Variants in DNAJC6 observed in about 807,000 individuals in gnomAD.
DNAJC6 encodes DnaJ heat shock protein family (Hsp40) member C6.
DNAJC6 carries 34 observed loss-of-function variants against 110.0 expected under a neutral mutation model. The observed-to-expected ratio is 0.31, with a 90% CI of 0.24 to 0.41. DNAJC6 has a LOEUF of 0.41. Among genes scored for constraint, DNAJC6 ranks in the 10% least tolerant of loss-of-function variants. The pLI is 1.00. For missense variants in DNAJC6, 1,031 were observed against 1,207.8 expected, an observed-to-expected ratio of 0.85 and a Z score of 2.17; for synonymous variants, 406 against 437.2, an observed-to-expected ratio of 0.93 and a Z score of 0.89.
At chr1:65,365,379 A>G (rs532315714) in intron 2 of DNAJC6, among the ~76,000 whole-genome samples, 2 of 152,308 alleles carry the variant, frequency 1.3e-5, no homozygotes, top group East Asian at 1.9e-4. Context: ...TACAATATGC[A>G]GTTCTTAATC....
At position 65,364,615 on chromosome 1, in the gene DNAJC6, T is replaced by TTTTTTTG; in HGVS notation, c.194-14_194-13insGTTTTTT. ...TGCCATCACCATTTTTGTTTGTTTGTTTTTTTTTTTTTTTGGCAGGTGCCT... is the reference window on the plus strand; with the variant it reads ...TGCCATCACCATTTTTGTTTGTTTGTTTTTTTGTTTTTTTTTTTTTTGGCAGGTGCCT... On this transcript the variant is annotated intron_variant, in intron 1 of 18. Transcript: ENST00000371069. 1.2e-6 allele frequency: 1 copy of TTTTTTTG among 830,536 alleles called. No homozygotes were observed. The allele number at this position is 830,536 out of a possible 1,614,324, so 51.4% of individuals were successfully genotyped here.
In DNAJC6 at chr1:65,388,428, TG is replaced by T; in HGVS notation, c.1193+16del. The T allele has an allele frequency of 6.2e-7, 1 of 1,611,790 alleles. No individual in the cohort carries two copies. On this transcript the variant is annotated intron_variant, in intron 9 of 18. Coordinates refer to ENST00000371069, the MANE Select transcript of DNAJC6 (RefSeq NM_001256864.2). ...TAAAGTTCACCAAGTAAGTACTGGTTGGGCCAAAAGTCTATTTGAATCAAAT... is the reference window on the plus strand; with the variant it reads ...TAAAGTTCACCAAGTAAGTACTGGTTGGCCAAAAGTCTATTTGAATCAAAT...
At chr1:65,380,840 G>A (rs1645810067) in intron 5 of DNAJC6, among the ~76,000 whole-genome samples, 1 of 151,324 alleles carries the variant, frequency 6.6e-6, no homozygotes, top group African/African-American at 2.4e-5. Context: ...TGCATATGTT[G>A]GAAATGAATA....
At chr1:65,396,051 A>G (rs181028067) in intron 13 of DNAJC6, among the ~76,000 whole-genome samples, 14 of 152,362 alleles carry the variant, frequency 9.2e-5, no homozygotes, top group Admixed American at 5.2e-4. Context: ...ATGCCAATGC[A>G]AAAGGAAGAT....
chr1:65,283,138 TAAG>T (rs1200846403), intron 1 of DNAJC6, among the ~76,000 whole-genome samples: 2 of 152,196 alleles, frequency 1.3e-5, no homozygotes, highest in Non-Finnish European at 2.9e-5. Flanking sequence ...CCATAGAACT[TAAG>T]GTTTCACCAG....
At chr1:65,340,739 T>C (rs932711476) in intron 1 of DNAJC6, among the ~76,000 whole-genome samples, 6 of 152,144 alleles carry the variant, frequency 3.9e-5, no homozygotes, top group African/African-American at 1.4e-4. Context: ...CTTCTCTGCC[T>C]CTCTCCCCGA....
In DNAJC6 at chr1:65,296,398, GA is replaced by G. The variant is rs1644928664; in HGVS notation, c.-131+31468del. Among the ~76,000 whole-genome samples the G allele has an allele frequency of 2.0e-5, 3 of 152,266 alleles. No individual in the cohort carries two copies. The South Asian group carries it at 6.2e-4, about 32-fold the overall frequency. ...TGAATTCATATTAAGCAGTGTGATGGAATGCTGAGAACTCTGACCCGGACTG... is the reference window on the plus strand; with the variant it reads ...TGAATTCATATTAAGCAGTGTGATGGATGCTGAGAACTCTGACCCGGACTG... On this transcript the variant is annotated intron_variant, in intron 1 of 19. Transcript: ENST00000263441.
At chr1:65,307,071 A>G (rs541436636), upstream of DNAJC6, among the ~76,000 whole-genome samples, 176 of 139,222 alleles carry the variant, frequency 1.3e-3, 1 homozygote, top group African/African-American at 4.5e-3. Flanking sequence ...CTTCTATATA[A>G]TGATGGTACT....
chr1:65,377,734 C>T (rs1315054404), intron 4 of DNAJC6, among the ~76,000 whole-genome samples: 3 of 152,132 alleles, frequency 2.0e-5, no homozygotes, highest in Admixed American at 2.0e-4. Context: ...ACCAAGAGCA[C>T]AGATAATTTC....
chr1:65,412,913 T>C lies in DNAJC6; in HGVS notation c.2812-11T>C. On this transcript the variant is annotated splice_polypyrimidine_tract_variant and intron_variant, in intron 18 of 18. Coordinates refer to ENST00000371069, the MANE Select transcript of DNAJC6 (RefSeq NM_001256864.2). ...TGTGGTATCTAATGTGTGTTTTTGT[T>C]TTCTCTACAGGCTACTGGGCAACCC... The C allele has an allele frequency of 4.4e-6, 7 of 1,608,024 alleles. No individual in the cohort carries two copies. The highest frequency in any genetic ancestry group is 5.9e-6 in the Non-Finnish European group (7 of 1,178,436).
At chr1:65,385,169 A>G (rs1645859288) in intron 6 of DNAJC6, among the ~76,000 whole-genome samples, 1 of 152,244 alleles carries the variant, frequency 6.6e-6, no homozygotes, top group Non-Finnish European at 1.5e-5. Context: ...AAAAATACAT[A>G]GAGAATAAAG....
rs142549507 is a variant in DNAJC6 at position 65,396,251 on chromosome 1, A to G, written c.2038+1219A>G. ...AGAGTCTCCTGATTGGATGTTGACT[A>G]CCTGTAGGAGAAAAGATGCAGGAAT... On this transcript the variant is annotated intron_variant, in intron 13 of 18. Transcript: ENST00000371069. Among the ~76,000 whole-genome samples, 833 of 152,256 alleles carry G rather than the reference A, an allele frequency of 5.5e-3. 5 individuals are homozygous for G. Among genetic ancestry groups the G allele is most frequent in the African/African-American group, 0.019 (802 of 41,540 alleles).
At chr1:65,375,164 A>G (rs1645749171) in intron 4 of DNAJC6, among the ~76,000 whole-genome samples, 1 of 152,110 alleles carries the variant, frequency 6.6e-6, no homozygotes, top group African/African-American at 2.4e-5. Context: ...GGGTTTCACC[A>G]TGTTGGCCAT....
intron 13 of DNAJC6, 33 bp from the exon 14 acceptor site, chr1:65,398,780 T>G (rs1444000862): frequency 1.2e-6 from 2 of 1,612,680 alleles, no homozygotes; most frequent in Non-Finnish European, 1.7e-6. Context: ...TGAGCTCTCT[T>G]GTTCTCATTC....
chr1:65,383,020 T>C (rs756491571), intron 5 of DNAJC6, among the ~76,000 whole-genome samples: 26 of 152,216 alleles, frequency 1.7e-4, no homozygotes, highest in Non-Finnish European at 3.8e-4. Context: ...TTATTTTTTG[T>C]TCTCACAAAA....
intron 16 of DNAJC6, among the ~76,000 whole-genome samples, chr1:65,407,756 G>C (rs773103330): frequency 6.6e-6 from 1 of 152,150 alleles, no homozygotes; most frequent in Non-Finnish European, 1.5e-5. Flanking sequence ...CAGGGAACAA[G>C]AAACAAAATC....
chr1:65,384,275 G>T lies in DNAJC6; in HGVS notation c.749G>T (p.Arg250Leu). The T allele has an allele frequency of 1.9e-6, 3 of 1,587,694 alleles. No homozygotes were observed. The highest frequency in any genetic ancestry group is 2.6e-6 in the Non-Finnish European group (3 of 1,168,780). The change falls in exon 6 of 19, where the codon CGA (arginine) becomes CTA (leucine). Residue 250 changes from arginine (R) to leucine (L), a missense_variant. Arg to Leu is a moderately radical substitution (Grantham distance 102). Transcript: ENST00000371069. ...NLYSTPGPAI[R>L]LLYAKRPGIG... ...TACTCTACTCCTGGCCCAGCCATTC[G>T]ATTGCTATATGCAAAGCGACCAGGA...
At chr1:65,283,620 G>A (rs1653920732) in intron 1 of DNAJC6, among the ~76,000 whole-genome samples, 1 of 152,196 alleles carries the variant, frequency 6.6e-6, no homozygotes, top group Non-Finnish European at 1.5e-5. Flanking sequence ...GAACATCTGT[G>A]TACAAGTTCC....
At chr1:65,298,019 C>G (rs547586961) in intron 1 of DNAJC6, among the ~76,000 whole-genome samples, 3 of 135,086 alleles carry the variant, frequency 2.2e-5, no homozygotes, top group Non-Finnish European at 3.1e-5. Flanking sequence ...CCTGGCTCCC[C>G]CTACGTGCCA....
Sources: gnomAD v4.1 joint callset for allele counts (sites outside exome capture counted in the v4.1 genomes callset) on GRCh38, gnomAD v4.1.1 for gene constraint, MANE v1.5 for transcripts, NCBI Gene and HGNC (gene_info 2026-07-23, HGNC 2026-07-21) for gene names.